Variants in HGD observed in about 807,000 individuals in gnomAD.
HGD encodes homogentisate 1,2-dioxygenase.
Under a neutral mutation model 60.8 loss-of-function variants are expected in HGD, and 61 were observed. That is an observed-to-expected ratio of 1.00 (90% CI 0.82 to 1.24). The LOEUF (loss-of-function observed/expected upper bound fraction) is 1.24. HGD is among the 50% of genes most tolerant of loss of function. The pLI, the probability that HGD is intolerant of heterozygous loss-of-function variation, is 0.00. For missense variants in HGD, 542 were observed against 547.1 expected (o/e 0.99, Z 0.09); for synonymous variants, 212 against 187.7 (o/e 1.13, Z -1.06).
intron 1 of HGD, among the ~76,000 whole-genome samples, chr3:120,678,922 T>C (rs4676704): frequency 0.24 from 36,061 of 152,166 alleles, 5,203 homozygotes; most frequent in African/African-American, 0.41. Context: ...AAGCATTCAT[T>C]TCCAGCTGGT....
chr3:120,650,654 A>G (rs1941309044), intron 6 of HGD, 120 bp downstream of exon 6: 1 of 784,540 alleles, frequency 1.3e-6, no homozygotes. Flanking sequence ...GAGAAAACCA[A>G]TAACAAAAAC....
intron 3 of HGD, among the ~76,000 whole-genome samples, chr3:120,672,928 G>A (rs1006890910): frequency 3.3e-5 from 5 of 152,190 alleles, no homozygotes; most frequent in African/African-American, 1.2e-4. Context: ...CAATCAGCTA[G>A]CTAATCTGAT....
At chr3:120,673,609 C>T (rs1240751383) in intron 3 of HGD, among the ~76,000 whole-genome samples, 2 of 152,146 alleles carry the variant, frequency 1.3e-5, no homozygotes, top group Non-Finnish European at 2.9e-5. Flanking sequence ...ACGCATATAT[C>T]TATTGAGAGA....
intron 12 of HGD, 78 bp downstream of exon 12, chr3:120,638,377 A>G: frequency 6.4e-7 from 1 of 1,562,716 alleles, no homozygotes; most frequent in Non-Finnish European, 8.8e-7. Context: ...TAACCCAGGC[A>G]TTATTCCCAA....
chr3:120,658,922 G>T (rs1277162452), intron 4 of HGD, among the ~76,000 whole-genome samples: 1 of 152,230 alleles, frequency 6.6e-6, no homozygotes. Context: ...GGAGCAGCTG[G>T]GATGCAGAAA....
intron 4 of HGD, among the ~76,000 whole-genome samples, chr3:120,656,133 T>C (rs726267): frequency 0.25 from 37,657 of 151,996 alleles, 4,838 homozygotes; most frequent in Middle Eastern, 0.35. Context: ...ACTCAGAGGA[T>C]AGGCTATGTG....
intron 4 of HGD, among the ~76,000 whole-genome samples, chr3:120,666,405 G>A (rs545595041): frequency 1.3e-5 from 2 of 152,274 alleles, no homozygotes; most frequent in East Asian, 1.9e-4. Context: ...GACATGGGAA[G>A]CGGGGAGAAG....
intron 11 of HGD, 72 bp from the exon 12 acceptor site, chr3:120,638,653 C>A: frequency 6.5e-7 from 1 of 1,536,272 alleles, no homozygotes; most frequent in Non-Finnish European, 9.0e-7. Context: ...ACATTTCATG[C>A]ATACATGAAG....
At chr3:120,638,372 C>G in intron 12 of HGD, 83 bp downstream of exon 12, 1 of 1,544,206 alleles carries the variant, frequency 6.5e-7, no homozygotes, top group Non-Finnish European at 8.9e-7. Flanking sequence ...AGAAATAACC[C>G]AGGCATTATT....
intron 4 of HGD, among the ~76,000 whole-genome samples, chr3:120,660,216 T>C (rs1331559596): frequency 6.6e-6 from 1 of 152,308 alleles, no homozygotes; most frequent in Middle Eastern, 3.4e-3. Context: ...CTCCTTTCTT[T>C]GTAAGTTACC....
intron 7 of HGD, 65 bp downstream of exon 7, chr3:120,647,812 T>C (rs1341491810): frequency 8.2e-7 from 1 of 1,223,532 alleles, no homozygotes; most frequent in Non-Finnish European, 1.2e-6. Flanking sequence ...GTGTATAAAA[T>C]TAGAAAGCAG....
At chr3:120,667,126 A>G (rs1018069787) in intron 4 of HGD, among the ~76,000 whole-genome samples, 28 of 151,788 alleles carry the variant, frequency 1.8e-4, no homozygotes, top group Non-Finnish European at 1.5e-4. Context: ...GGAGTTCGAG[A>G]CCAGCCTGAG....
At chr3:120,632,291 C>A (rs1055903751) in intron 13 of HGD, among the ~76,000 whole-genome samples, 3 of 152,142 alleles carry the variant, frequency 2.0e-5, no homozygotes, top group African/African-American at 7.2e-5. Flanking sequence ...AGATTTTAAA[C>A]CAGGTAGCAT....
rs192550772 is a variant in HGD at position 120,667,895 on chromosome 3, C to A, written c.282+2532G>T. ...TAACTTCATATACATAATTACTATA[C>A]CCATATTACTTGAATCCACATGAGA... On this transcript the variant is annotated intron_variant, in intron 4 of 13. Coordinates refer to ENST00000283871, the MANE Select transcript of HGD (RefSeq NM_000187.4). 2.7e-3 allele frequency among the ~76,000 whole-genome samples: 412 copies of A among 152,186 alleles called. 2 individuals are homozygous for A. The highest frequency in any genetic ancestry group is 1.2e-3 in the Non-Finnish European group (83 of 68,016).
In HGD at chr3:120,646,283, A is replaced by G; in HGVS notation, c.633T>C (p.Pro211=). The G allele has an allele frequency of 6.2e-7, 1 of 1,608,362 alleles. No individual in the cohort carries two copies. Among genetic ancestry groups the G allele is most frequent in the Non-Finnish European group, 8.5e-7 (1 of 1,174,722 alleles). ...LEVYGVHFEL[P]DLGPIGANGL... ...AAGATTTACCAATTGGTCCAAGGTC[A>G]GGTAACTCAAAGTGGACACCATAGA... The change falls in exon 9 of 14, where the codon CCT becomes CCC. Residue 211 remains proline (P), a synonymous_variant. Transcript: ENST00000283871.
chr3:120,678,644 A>G (rs1355868917), intron 1 of HGD, among the ~76,000 whole-genome samples: 1 of 152,230 alleles, frequency 6.6e-6, no homozygotes, highest in African/African-American at 2.4e-5. Context: ...ACCAAGCACC[A>G]AGAGGTGTGA....
intron 6 of HGD, among the ~76,000 whole-genome samples, chr3:120,650,246 T>C (rs1365318078): frequency 1.3e-5 from 2 of 152,230 alleles, no homozygotes; most frequent in African/African-American, 4.8e-5. Flanking sequence ...GTTACTTTTC[T>C]ACTGAGATAA....
intron 11 of HGD, among the ~76,000 whole-genome samples, chr3:120,639,971 A>T (rs1333142349): frequency 2.6e-5 from 4 of 152,094 alleles, no homozygotes; most frequent in Non-Finnish European, 5.9e-5. Flanking sequence ...TGGAGATTCA[A>T]AGATCATGGG....
At chr3:120,633,096 T>C (rs112229599) in intron 13 of HGD, 51 bp downstream of exon 13, 53,348 of 1,543,234 alleles carry the variant, frequency 0.035, 1,571 homozygotes, top group African/African-American at 0.16. Context: ...CCCCTCTCAG[T>C]AAGGGTGGGG....
Sources: allele counts gnomAD v4.1 joint callset (sites outside exome capture counted in the v4.1 genomes callset), GRCh38; gene constraint gnomAD v4.1.1; transcripts MANE v1.5; gene names NCBI Gene and HGNC (gene_info 2026-07-23, HGNC 2026-07-21).